LINGO2: variants seen among roughly 807,000 people sequenced by gnomAD.
The protein encoded by LINGO2 is leucine rich repeat and Ig domain containing 2.
A neutral mutation model predicts 30.6 loss-of-function variants in LINGO2; 14 were observed. That is an observed-to-expected ratio of 0.46 (90% CI 0.30 to 0.72). LINGO2 has a LOEUF of 0.72. Ranked by LOEUF, LINGO2 falls within the 30% of genes least tolerant of loss-of-function variation. LINGO2 has a pLI of 0.07. For synonymous variants in LINGO2, 317 were observed against 288.5 expected, an observed-to-expected ratio of 1.10 and a Z score of -1.00; for missense variants, 729 against 751.7, an observed-to-expected ratio of 0.97 and a Z score of 0.35.
chr9:28,134,960 A>C (rs1827474970), intron 4 of LINGO2, among the ~76,000 whole-genome samples: 1 of 152,210 alleles, frequency 6.6e-6, no homozygotes, highest in African/African-American at 2.4e-5. Flanking sequence ...AAGAAGACTA[A>C]GAGAGACCCT....
chr9:29,050,980 A>G, the LINGO2 span, among the ~76,000 whole-genome samples: 12 of 152,296 alleles, frequency 7.9e-5, no homozygotes, highest in African/African-American at 2.6e-4. Context: ...AGTGTTGGGC[A>G]CTAAATGTGT....
intron 1 of LINGO2, among the ~76,000 whole-genome samples, chr9:28,533,878 ATTAT>A (rs879921728): frequency 2.6e-4 from 40 of 152,274 alleles, no homozygotes; most frequent in Middle Eastern, 3.4e-3. Context: ...TCATGACATT[ATTAT>A]TTATTTATTT....
At chr9:28,958,977 A>G in the LINGO2 span, among the ~76,000 whole-genome samples, 136 of 152,250 alleles carry the variant, frequency 8.9e-4, 1 homozygote, top group Middle Eastern at 3.4e-3. Context: ...CAACAGGATC[A>G]CTCAGATAAC....
At chr9:29,011,667 T>TACTG in the LINGO2 span, among the ~76,000 whole-genome samples, 2 of 152,176 alleles carry the variant, frequency 1.3e-5, no homozygotes, top group Non-Finnish European at 2.9e-5. Context: ...GGCCACTGAT[T>TACTG]ACTGACCAGA....
the LINGO2 span, among the ~76,000 whole-genome samples, chr9:28,969,335 A>T: frequency 0.064 from 9,676 of 152,232 alleles, 407 homozygotes; most frequent in Non-Finnish European, 0.097. Flanking sequence ...TCCAAGCAAG[A>T]GTAACAGCAA....
intron 1 of LINGO2, among the ~76,000 whole-genome samples, chr9:28,490,762 ATTAGT>A (rs1444415651): frequency 6.6e-6 from 1 of 152,158 alleles, no homozygotes; most frequent in Non-Finnish European, 1.5e-5. Context: ...GATTGTATAA[ATTAGT>A]TTAACCTTTC....
At chr9:28,791,059 C>T in the LINGO2 span, among the ~76,000 whole-genome samples, 1 of 152,028 alleles carries the variant, frequency 6.6e-6, no homozygotes, top group Non-Finnish European at 1.5e-5. Context: ...AACTTATGCA[C>T]ATTTTAAAGT....
the LINGO2 span, among the ~76,000 whole-genome samples, chr9:28,884,810 G>GTA: frequency 5.0e-5 from 7 of 139,054 alleles, no homozygotes; most frequent in South Asian, 2.2e-4. Context: ...TTCTTTAGCA[G>GTA]TATATATATA....
At chr9:28,961,786 T>C in the LINGO2 span, among the ~76,000 whole-genome samples, 1 of 152,198 alleles carries the variant, frequency 6.6e-6, no homozygotes, top group Non-Finnish European at 1.5e-5. Context: ...CTTTTCTATA[T>C]AGTGTTCTCA....
chr9:28,974,419 A>C, the LINGO2 span, among the ~76,000 whole-genome samples: 59 of 152,286 alleles, frequency 3.9e-4, no homozygotes, highest in East Asian at 5.8e-3. Context: ...AACAAACAAA[A>C]AAAAGATATA....
intron 4 of LINGO2, among the ~76,000 whole-genome samples, chr9:28,025,779 G>C (rs1382176367): frequency 6.6e-6 from 1 of 152,210 alleles, no homozygotes; most frequent in Non-Finnish European, 1.5e-5. Flanking sequence ...AGAAGGCAGA[G>C]AGCCAGACAA....
intron 1 of LINGO2, among the ~76,000 whole-genome samples, chr9:28,667,736 T>G (rs1404983519): frequency 6.6e-6 from 1 of 152,140 alleles, no homozygotes; most frequent in Non-Finnish European, 1.5e-5. Context: ...AGAGTGAGCC[T>G]CTGTCAAAAC....
intron 1 of LINGO2, among the ~76,000 whole-genome samples, chr9:28,482,066 T>A (rs1213319091): frequency 6.6e-6 from 1 of 152,102 alleles, no homozygotes; most frequent in African/African-American, 2.4e-5. Flanking sequence ...CTATTGTGAA[T>A]AGTGCCGCAA....
At chr9:28,405,774 C>T (rs1296913292) in intron 2 of LINGO2, among the ~76,000 whole-genome samples, 1 of 152,088 alleles carries the variant, frequency 6.6e-6, no homozygotes, top group Non-Finnish European at 1.5e-5. Flanking sequence ...TTTATCTCTT[C>T]CTTCTCTTCA....
intron 4 of LINGO2, among the ~76,000 whole-genome samples, chr9:28,125,839 C>A (rs187683352): frequency 6.6e-6 from 1 of 152,158 alleles, no homozygotes; most frequent in Admixed American, 6.6e-5. Context: ...ACTTTCAAAT[C>A]CAATTCCAGA....
chr9:29,149,560 C>T, the LINGO2 span, among the ~76,000 whole-genome samples: 6,201 of 151,642 alleles, frequency 0.041, 196 homozygotes, highest in Admixed American at 0.079. Context: ...TGCAAGGTTG[C>T]CAAATGCTAG....
intron 1 of LINGO2, among the ~76,000 whole-genome samples, chr9:28,563,300 G>A (rs1348961406): frequency 6.6e-6 from 1 of 151,862 alleles, no homozygotes; most frequent in Non-Finnish European, 1.5e-5. Context: ...CTCCTCTCTG[G>A]GAATATCAAT....
chr9:28,435,669 C>T (rs919701764), intron 2 of LINGO2, among the ~76,000 whole-genome samples: 1 of 152,172 alleles, frequency 6.6e-6, no homozygotes, highest in Non-Finnish European at 1.5e-5. Flanking sequence ...GTCCTGATGG[C>T]TAGGATTAGA....
At chr9:28,345,579 C>A (rs1819533876) in intron 3 of LINGO2, among the ~76,000 whole-genome samples, 1 of 152,104 alleles carries the variant, frequency 6.6e-6, no homozygotes, top group African/African-American at 2.4e-5. Context: ...CAAGTTTAAT[C>A]CCTCTAAAAT....
Sources: gnomAD v4.1 joint callset for allele counts (sites outside exome capture counted in the v4.1 genomes callset) on GRCh38, gnomAD v4.1.1 for gene constraint, MANE v1.5 for transcripts, NCBI Gene and HGNC (gene_info 2026-07-23, HGNC 2026-07-21) for gene names.